Variants in DMTF1 observed in about 807,000 individuals in gnomAD.
The protein encoded by DMTF1 is cyclin-D-binding Myb-like transcription factor 1.
In DMTF1, 39 loss-of-function variants were observed where a neutral mutation model predicts 91.1. The observed-to-expected ratio is 0.43, with a 90% CI of 0.33 to 0.56. DMTF1 has a LOEUF of 0.56. DMTF1 is among the 20% of genes least tolerant of loss of function. DMTF1 has a pLI of 0.05. For synonymous variants in DMTF1, 338 were observed against 309.5 expected (o/e 1.09, Z -0.97); for missense variants, 750 against 914.5 (o/e 0.82, Z 2.32).
At chr7:87,178,487 A>G in intron 7 of DMTF1, among the ~76,000 whole-genome samples, 1 of 152,000 alleles carries the variant, frequency 6.6e-6, no homozygotes, top group East Asian at 1.9e-4. Flanking sequence ...TTTTTCCCAC[A>G]TCTGTTGAGA....
chr7:87,196,311 GAAT>G lies in DMTF1; in HGVS notation c.*1173_*1175del. 1 of 199,390 alleles carries G rather than the reference GAAT, an allele frequency of 5.0e-6. No individual in the cohort carries two copies. The highest frequency in any genetic ancestry group is 1.0e-5 in the Non-Finnish European group (1 of 99,472). The allele number at this position is 199,390 out of a possible 1,614,324, so 12.4% of individuals were successfully genotyped here. ...TATATTCAGTTTAACAGAAATAAAA[GAAT>G]ATTTGTCTTAAGATGCAAGATTTGT... On this transcript the variant is annotated 3_prime_UTR_variant, in exon 18 of 18. Coordinates refer to ENST00000331242, the MANE Select transcript of DMTF1 (RefSeq NM_001142327.2).
At chr7:87,152,671 G>C (rs1562756782) in intron 1 of DMTF1, 116 bp downstream of exon 1, 1 of 152,964 alleles carries the variant, frequency 6.5e-6, no homozygotes, top group Non-Finnish European at 1.5e-5. Flanking sequence ...AGCTGTCGGC[G>C]CCGGGGCACT....
At chr7:87,177,150 T>A (rs1392969599) in intron 7 of DMTF1, among the ~76,000 whole-genome samples, 1 of 152,198 alleles carries the variant, frequency 6.6e-6, no homozygotes, top group Non-Finnish European at 1.5e-5. Context: ...TGATTTCACC[T>A]GTTTTTGAAA....
At chr7:87,193,435 A>T (rs1351631577) in intron 15 of DMTF1, 82 bp downstream of exon 15, 1 of 1,412,378 alleles carries the variant, frequency 7.1e-7, no homozygotes, top group African/African-American at 1.4e-5. Flanking sequence ...GAAGGTAGTT[A>T]TCTAAACAGT....
In DMTF1 at chr7:87,194,514, A is replaced by G. The variant is rs539030536; in HGVS notation, c.2029-170A>G. 260 of 513,188 alleles carry G rather than the reference A, an allele frequency of 5.1e-4. 1 individual carries two copies. The highest frequency in any genetic ancestry group is 4.8e-3 in the African/African-American group (244 of 50,866). The allele number at this position is 513,188 out of a possible 1,614,324, so 31.8% of individuals were successfully genotyped here. ...CTTATGAGTTCCTTTTGTTAAAAGT[A>G]TGTTAGATTGTGAGGTCATCTTTTG... On this transcript the variant is annotated intron_variant, in intron 16 of 17. Coordinates refer to ENST00000331242, the MANE Select transcript of DMTF1 (RefSeq NM_001142327.2).
At position 87,173,545 on chromosome 7, in the gene DMTF1, A is replaced by G; in HGVS notation, c.338A>G (p.Asn113Ser). 1.2e-6 allele frequency: 2 copies of G among 1,602,894 alleles called. No individual in the cohort carries two copies. Among genetic ancestry groups the G allele is most frequent in the South Asian group, 1.1e-5 (1 of 89,328 alleles). The stretch of plus-strand genomic sequence containing the variant: ...TTTTACCTTTTCAAGATTTTGCAGA[A>G]TGAGCAACTAGATGAAATATCTCCC... ...GTVTQIQILQ[N>S]EQLDEISPLG... Residue 113 changes from asparagine (N) to serine (S), a missense_variant, in exon 6 of 18, where the codon AAT becomes AGT. Transcript: ENST00000331242.
intron 3 of DMTF1, 31 bp from the exon 4 acceptor site, chr7:87,166,452 A>G (rs1793854533): frequency 6.3e-7 from 1 of 1,587,488 alleles, no homozygotes; most frequent in Non-Finnish European, 8.6e-7. Flanking sequence ...CTTTGGTTTG[A>G]AATTTTTGTT....
Position 87,164,026 on chromosome 7 carries a change from G to T in DMTF1, c.-9+409G>T, listed in dbSNP as rs553695350. On this transcript the variant is annotated intron_variant, in intron 2 of 17. Transcript: ENST00000331242. ...GCCTGTGAATAGCCTCTGCACTCCA[G>T]CCTGGGCAACAATGAAGACGCCTTC... 1.1e-4 allele frequency among the ~76,000 whole-genome samples: 13 copies of T among 121,266 alleles called. No homozygotes were observed. In the East Asian group the frequency reaches 3.2e-3, roughly 30 times the overall value. The allele number at this position is 121,266 out of a possible 152,430, so 79.6% of individuals were successfully genotyped here. A position where few individuals can be genotyped will look rare whatever the true frequency, so the allele number is the denominator to read the frequency against.
chr7:87,184,777 T>A lies in DMTF1; in HGVS notation c.1049+152T>A, dbSNP rs932856061. ...GTTTAAGATCTTAAGTATTTCATAT[T>A]GAGCTCTTTTTTTGTGTTGTGTTTG... On this transcript the variant is annotated intron_variant, in intron 11 of 17. Coordinates refer to ENST00000331242, the MANE Select transcript of DMTF1 (RefSeq NM_001142327.2). 4 of 755,306 alleles carry A rather than the reference T, an allele frequency of 5.3e-6. No individual in the cohort carries two copies. The South Asian group carries it at 5.9e-5, about 11-fold the overall frequency. 46.8% of individuals were successfully genotyped at this position (755,306 alleles called of 1,614,324 possible).
chr7:87,152,967 C>G (rs1417466284), intron 1 of DMTF1: 6 of 154,556 alleles, frequency 3.9e-5, no homozygotes, highest in Non-Finnish European at 7.3e-5. Flanking sequence ...TACTTGTTTT[C>G]TCGTGGTGTT....
intron 2 of DMTF1, chr7:87,164,316 TTG>T (rs1793288516): frequency 6.6e-6 from 1 of 152,124 alleles, no homozygotes; most frequent in Non-Finnish European, 1.5e-5. Context: ...AAAATAATAT[TTG>T]TGTAAAATAG....
rs570978587 is a variant in DMTF1, at chr7:87,193,088, C to T, written c.1495-110C>T. The T allele has an allele frequency of 3.5e-6, 4 of 1,148,052 alleles. No individual in the cohort carries two copies. In the African/African-American group the frequency reaches 6.2e-5, roughly 18 times the overall value. 71.1% of individuals were successfully genotyped at this position (1,148,052 alleles called of 1,614,324 possible). On this transcript the variant is annotated intron_variant, in intron 14 of 17. Coordinates refer to ENST00000331242, the MANE Select transcript of DMTF1 (RefSeq NM_001142327.2). Reference sequence around the variant, plus strand: ...TGCCCTACATTGTATTACTTGTTCGCACCTTCACAATGGGTAAGTACATTT... The same window carrying T: ...TGCCCTACATTGTATTACTTGTTCGTACCTTCACAATGGGTAAGTACATTT...
chr7:87,158,431 A>C (rs1791364629), intron 1 of DMTF1, among the ~76,000 whole-genome samples: 2 of 152,092 alleles, frequency 1.3e-5, no homozygotes, highest in South Asian at 4.1e-4. Flanking sequence ...AATAAATCAA[A>C]TACATTTTAG....
At chr7:87,191,151 C>T in intron 14 of DMTF1, 124 bp downstream of exon 14, 1 of 606,854 alleles carries the variant, frequency 1.6e-6, no homozygotes, top group Non-Finnish European at 2.9e-6. Context: ...TAGACTAAAT[C>T]AGACTTCTAC....
chr7:87,190,414 C>T (rs1799484091), intron 13 of DMTF1, among the ~76,000 whole-genome samples: 1 of 152,056 alleles, frequency 6.6e-6, no homozygotes, highest in Admixed American at 6.6e-5. Flanking sequence ...GTCCAGACAT[C>T]CATAGTGCTT....
chr7:87,154,697 G>A (rs1471126335), intron 1 of DMTF1, among the ~76,000 whole-genome samples: 1 of 152,222 alleles, frequency 6.6e-6, no homozygotes, highest in Non-Finnish European at 1.5e-5. Flanking sequence ...AAACAGCATG[G>A]TTGGGAAATG....
intron 12 of DMTF1, chr7:87,186,211 T>G (rs1012670031): frequency 1.0e-5 from 5 of 476,230 alleles, no homozygotes; most frequent in Non-Finnish European, 1.9e-5. Context: ...CTTGTTCTTC[T>G]ACGTAAACTA....
chr7:87,167,497 C>G (rs1379907931), intron 4 of DMTF1, among the ~76,000 whole-genome samples: 2 of 152,176 alleles, frequency 1.3e-5, no homozygotes, highest in Admixed American at 1.3e-4. Context: ...TAGCTGAGAA[C>G]TTTGATTTTA....
In DMTF1 at chr7:87,162,788, C is replaced by T. The variant is rs1262544845; in HGVS notation, c.-131-707C>T. ...TTTTAATCCCTAATTTTTGCTGAAA[C>T]GTCCCCTTGAACCTCAAATCATGTG... is the stretch of plus-strand genomic sequence containing the variant. On this transcript the variant is annotated intron_variant, in intron 1 of 17. Transcript: ENST00000331242. 3.3e-5 allele frequency: 5 copies of T among 149,376 alleles called. No individual in the cohort carries two copies. The South Asian group carries it at 8.4e-4, about 25-fold the overall frequency. The allele number at this position is 149,376 out of a possible 1,614,324, so 9.3% of individuals were successfully genotyped here.
Sources: allele counts gnomAD v4.1 joint callset (sites outside exome capture counted in the v4.1 genomes callset), GRCh38; gene constraint gnomAD v4.1.1; transcripts MANE v1.5; gene names NCBI Gene and HGNC (gene_info 2026-07-23, HGNC 2026-07-21).